Variants in DOCK3 observed in about 807,000 individuals in gnomAD.
The protein encoded by DOCK3 is dedicator of cytokinesis protein 3.
Under a neutral mutation model 265.6 loss-of-function variants are expected in DOCK3, and 60 were observed. The ratio of observed to expected loss-of-function variants is 0.23; its 90% confidence interval spans 0.18 to 0.28. The LOEUF (loss-of-function observed/expected upper bound fraction) is 0.28. DOCK3 is among the 10% of genes least tolerant of loss of function. The probability of loss-of-function intolerance (pLI) is 1.00; values close to 1 mark genes in which losing one functional copy is unlikely to be tolerated. For synonymous variants in DOCK3, 881 were observed against 938.0 expected (o/e 0.94, Z 1.11); for missense variants, 1,981 against 2,594.3 (o/e 0.76, Z 5.14).
At chr3:51,363,946 T>C (rs561010460) in intron 49 of DOCK3, among the ~76,000 whole-genome samples, 5 of 152,374 alleles carry the variant, frequency 3.3e-5, no homozygotes, top group East Asian at 3.9e-4. Flanking sequence ...GCAGTAAACA[T>C]ACATGTGCAT....
intron 7 of DOCK3, among the ~76,000 whole-genome samples, chr3:51,083,566 G>T (rs1404461995): frequency 2.6e-5 from 4 of 152,116 alleles, no homozygotes; most frequent in Non-Finnish European, 5.9e-5. Flanking sequence ...TTCATGAGTT[G>T]AAGTTTAACA....
intron 13 of DOCK3, among the ~76,000 whole-genome samples, chr3:51,209,501 AT>A (rs1174175698): frequency 6.6e-6 from 1 of 152,228 alleles, no homozygotes; most frequent in Non-Finnish European, 1.5e-5. Context: ...TAGAAGCATT[AT>A]TTAAAAGCCT....
intron 7 of DOCK3, among the ~76,000 whole-genome samples, chr3:51,080,076 C>T (rs1352763053): frequency 6.6e-6 from 1 of 152,178 alleles, no homozygotes; most frequent in African/African-American, 2.4e-5. Flanking sequence ...TATGCTTCAT[C>T]CTTTCATAGA....
chr3:51,220,768 G>A (rs1423494330), intron 14 of DOCK3, among the ~76,000 whole-genome samples: 1 of 148,992 alleles, frequency 6.7e-6, no homozygotes, highest in African/African-American at 2.5e-5. Context: ...AATATGAAGT[G>A]TGAGTAATTT....
Position 51,341,337 on chromosome 3 carries a change from G to C in DOCK3, c.3867G>C (p.Arg1289=), listed in dbSNP as rs1350956782. The C allele has an allele frequency of 6.2e-7, 1 of 1,613,878 alleles. No homozygotes were observed. Among genetic ancestry groups the C allele is most frequent in the Admixed American group, 1.7e-5 (1 of 60,000 alleles). Residue 1289 remains arginine (R), a synonymous_variant, in exon 38 of 53, where the codon CGG becomes CGC. Transcript: ENST00000266037. ...ACCCATCGCAGACAGAGTGGCAGCG[G>C]AAGGAGGGACTGTGCCGGAAGATCA... is the stretch of plus-strand genomic sequence containing the variant. ...LHYPSQTEWQ[R]KEGLCRKIIH...
chr3:51,345,218 A>G (rs1276901365), intron 38 of DOCK3, among the ~76,000 whole-genome samples: 1 of 152,162 alleles, frequency 6.6e-6, no homozygotes, highest in African/African-American at 2.4e-5. Flanking sequence ...GAGGACTGAT[A>G]TACGCCCCCT....
intron 12 of DOCK3, among the ~76,000 whole-genome samples, chr3:51,205,197 GA>G (rs532613332): frequency 1.5e-4 from 22 of 148,690 alleles, no homozygotes; most frequent in African/African-American, 3.9e-4. Flanking sequence ...TAAATACAGT[GA>G]AAAAAAAAGA....
chr3:51,266,909 A>T (rs1050267681), intron 23 of DOCK3, among the ~76,000 whole-genome samples: 2 of 152,218 alleles, frequency 1.3e-5, no homozygotes, highest in Non-Finnish European at 2.9e-5. Flanking sequence ...AATAGGAGAA[A>T]ATTTTTGCCA....
At chr3:50,766,475 G>A (rs1347160449) in intron 1 of DOCK3, among the ~76,000 whole-genome samples, 7 of 151,974 alleles carry the variant, frequency 4.6e-5, no homozygotes, top group African/African-American at 1.7e-4. Flanking sequence ...TGGCTGCATA[G>A]TATTCCATGG....
chr3:51,097,653 G>A (rs6799240), intron 9 of DOCK3, among the ~76,000 whole-genome samples: 14,187 of 152,268 alleles, frequency 0.093, 796 homozygotes, highest in Middle Eastern at 0.18. Context: ...GGCGCCACTG[G>A]GGTATGAAAA....
chr3:51,317,610 A>ATAATAG (rs1178730407), intron 32 of DOCK3, among the ~76,000 whole-genome samples: 1 of 148,078 alleles, frequency 6.8e-6, no homozygotes, highest in African/African-American at 2.5e-5. Context: ...AATAATAATA[A>ATAATAG]TAATAATAAT....
At chr3:51,357,168 A>C (rs763521565) in intron 44 of DOCK3, 27 bp downstream of exon 44, 2 of 1,598,648 alleles carry the variant, frequency 1.3e-6, no homozygotes, top group African/African-American at 1.3e-5. Context: ...GGCCAAACCC[A>C]TGCAGCCAGC....
chr3:50,991,724 A>G (rs1277228333), intron 5 of DOCK3, among the ~76,000 whole-genome samples: 3 of 152,124 alleles, frequency 2.0e-5, no homozygotes, highest in Non-Finnish European at 4.4e-5. Flanking sequence ...TAAACTCTAC[A>G]TTGGACCAAT....
intron 5 of DOCK3, among the ~76,000 whole-genome samples, chr3:51,023,414 G>A (rs938735559): frequency 5.3e-5 from 8 of 151,786 alleles, no homozygotes; most frequent in Non-Finnish European, 8.8e-5. Context: ...TTTTGTTGTC[G>A]TTGTTGTTCT....
intron 3 of DOCK3, among the ~76,000 whole-genome samples, chr3:50,882,683 T>C (rs2048109947): frequency 6.6e-6 from 1 of 152,168 alleles, no homozygotes; most frequent in Non-Finnish European, 1.5e-5. Context: ...TGTAAACTAG[T>C]TCAACCATTG....
Position 51,009,527 on chromosome 3 carries a change from G to C in DOCK3, c.316-54921G>C, listed in dbSNP as rs180947042. On this transcript the variant is annotated intron_variant, in intron 5 of 52. Coordinates refer to ENST00000266037, the MANE Select transcript of DOCK3 (RefSeq NM_004947.5). ...CTCTCTTTTCTTCTTTATTATTCTT[G>C]CTAGCAGTCTATCAATTTTGTTGAT... Among the ~76,000 whole-genome samples, 415 of 151,870 alleles carry C rather than the reference G, an allele frequency of 2.7e-3. 1 individual carries two copies. Among genetic ancestry groups the C allele is most frequent in the African/African-American group, 9.6e-3 (397 of 41,408 alleles).
intron 9 of DOCK3, among the ~76,000 whole-genome samples, chr3:51,095,851 CAAAAAAAAAA>C (rs71278627): frequency 5.1e-4 from 5 of 9,806 alleles, no homozygotes; most frequent in Middle Eastern, 0.5. Context: ...ATAAGGTTAG[CAAAAAAAAAA>C]AAAAAAAAAA....
At chr3:50,872,003 A>G (rs1598928) in intron 3 of DOCK3, among the ~76,000 whole-genome samples, 15,087 of 152,236 alleles carry the variant, frequency 0.099, 929 homozygotes, top group Non-Finnish European at 0.13. Context: ...TGTCTGAAAG[A>G]TCATATATCT....
intron 44 of DOCK3, 96 bp from the exon 45 acceptor site, chr3:51,357,662 G>GCT: frequency 1.6e-6 from 2 of 1,216,654 alleles, no homozygotes; most frequent in Non-Finnish European, 2.4e-6. Context: ...CAGCCTGGCT[G>GCT]CTTTTTAGGT....
Sources: gnomAD v4.1 joint callset for allele counts (sites outside exome capture counted in the v4.1 genomes callset) on GRCh38, gnomAD v4.1.1 for gene constraint, MANE v1.5 for transcripts, NCBI Gene and HGNC (gene_info 2026-07-23, HGNC 2026-07-21) for gene names.